Variants in SEC23IP observed in about 807,000 individuals in gnomAD.
The protein encoded by SEC23IP is SEC23-interacting protein.
SEC23IP carries 70 observed loss-of-function variants against 113.4 expected under a neutral mutation model. That is an observed-to-expected ratio of 0.62 (90% CI 0.51 to 0.75). The LOEUF is 0.75. Ranked by LOEUF, SEC23IP falls within the 30% of genes least tolerant of loss-of-function variation. The pLI is 0.00. For missense variants in SEC23IP, 1,160 were observed against 1,204.9 expected (o/e 0.96, Z 0.55); for synonymous variants, 398 against 421.0 (o/e 0.95, Z 0.67).
At chr10:119,894,089 C>T (rs913400137) in intron 1 of SEC23IP, among the ~76,000 whole-genome samples, 2 of 152,146 alleles carry the variant, frequency 1.3e-5, no homozygotes, top group Non-Finnish European at 2.9e-5. Flanking sequence ...TATGTGTAGC[C>T]TCACAGAATT....
At position 119,932,068 on chromosome 10, in the gene SEC23IP, A is replaced by G. The variant is rs1385405258; in HGVS notation, c.2573-65A>G. The G allele has an allele frequency of 7.6e-6, 8 of 1,057,668 alleles. No homozygotes were observed. In the East Asian group the frequency reaches 1.9e-4, roughly 25 times the overall value. The allele number at this position is 1,057,668 out of a possible 1,614,324, so 65.5% of individuals were successfully genotyped here. On this transcript the variant is annotated intron_variant, in intron 15 of 18. Coordinates refer to ENST00000369075, the MANE Select transcript of SEC23IP (RefSeq NM_007190.4). Reference sequence around the variant, plus strand: ...TGTCTGAGAAGAGTGTTAACTTACAATTTTTGTGAGGCAGAAGTTTACCCA... The same window carrying G: ...TGTCTGAGAAGAGTGTTAACTTACAGTTTTTGTGAGGCAGAAGTTTACCCA...
chr10:119,940,178 G>A lies in SEC23IP; in HGVS notation c.*21-408G>A, dbSNP rs542786576. ...GTGTTTGTCAGTAAAGTTGAGCACT[G>A]GATTGTCCATTTTTTTTTTTTTTTT... On this transcript the variant is annotated intron_variant, in intron 18 of 18. Transcript: ENST00000369075. Among the ~76,000 whole-genome samples the A allele has an allele frequency of 1.1e-4, 16 of 148,548 alleles. No homozygotes were observed. In the South Asian group the frequency reaches 3.3e-3, roughly 31 times the overall value.
intron 15 of SEC23IP, among the ~76,000 whole-genome samples, chr10:119,931,311 G>A (rs532390260): frequency 1.4e-4 from 20 of 144,800 alleles, no homozygotes; most frequent in Admixed American, 6.3e-4. Flanking sequence ...ACCACTTCCT[G>A]TTTACAGATT....
chr10:119,920,984 G>T lies in SEC23IP; in HGVS notation c.2121G>T (p.Leu707=). The T allele has an allele frequency of 1.2e-6, 2 of 1,607,602 alleles. No homozygotes were observed. The highest frequency in any genetic ancestry group is 1.7e-6 in the Non-Finnish European group (2 of 1,174,386). ...TTGTAGAACATAAAGCAGCCAAACT[G>T]GTAAAGTTCACCTCTGACTCAAGAA... ...ANFVEHKAAK[L]KKAASEKKAV... Residue 707 remains leucine (L), a splice_region_variant and synonymous_variant, in exon 12 of 19, where the codon CTG becomes CTT. Coordinates refer to ENST00000369075, the MANE Select transcript of SEC23IP (RefSeq NM_007190.4).
chr10:119,932,800 C>T (rs1039242698), intron 16 of SEC23IP, among the ~76,000 whole-genome samples: 13 of 152,290 alleles, frequency 8.5e-5, no homozygotes, highest in African/African-American at 2.9e-4. Context: ...CACAACTTCT[C>T]TCAGCTTGTT....
At chr10:119,914,939 GA>G (rs1224177085) in intron 7 of SEC23IP, 120 bp downstream of exon 7, 1 of 883,324 alleles carries the variant, frequency 1.1e-6, no homozygotes, top group Non-Finnish European at 1.8e-6. Context: ...TCTGTAAGAG[GA>G]AATTTAAATG....
At chr10:119,904,655 T>C (rs1854605589) in intron 4 of SEC23IP, 1 of 164,894 alleles carries the variant, frequency 6.1e-6, no homozygotes, top group African/African-American at 2.4e-5. Context: ...TAAATAGAAT[T>C]GGAAGAAGTG....
At chr10:119,922,241 G>A (rs550435172) in intron 12 of SEC23IP, among the ~76,000 whole-genome samples, 86 of 152,250 alleles carry the variant, frequency 5.6e-4, no homozygotes, top group African/African-American at 2.0e-3. Context: ...TGAAGGAGGG[G>A]TAAGGTCAGG....
intron 12 of SEC23IP, among the ~76,000 whole-genome samples, chr10:119,921,390 G>T (rs1368646373): frequency 6.6e-6 from 1 of 152,116 alleles, no homozygotes; most frequent in East Asian, 1.9e-4. Flanking sequence ...CCCACTGCTG[G>T]TCTCAAACTC....
intron 4 of SEC23IP, among the ~76,000 whole-genome samples, chr10:119,908,298 A>C (rs1350435182): frequency 6.6e-6 from 1 of 152,194 alleles, no homozygotes; most frequent in African/African-American, 2.4e-5. Flanking sequence ...AATGAACTAC[A>C]GTTCTCCCAT....
intron 1 of SEC23IP, among the ~76,000 whole-genome samples, chr10:119,896,355 A>G (rs951961455): frequency 1.2e-4 from 19 of 152,350 alleles, no homozygotes; most frequent in African/African-American, 3.6e-4. Flanking sequence ...GGAGTCTCAG[A>G]CTTGAGGTTT....
chr10:119,925,597 A>G (rs1855394265), intron 12 of SEC23IP, among the ~76,000 whole-genome samples: 1 of 152,114 alleles, frequency 6.6e-6, no homozygotes, highest in South Asian at 2.1e-4. Context: ...GGTGGAGTGC[A>G]GTGGTACGAT....
Position 119,926,045 on chromosome 10 carries a change from G to C in SEC23IP, c.2131G>C (p.Ala711Pro), listed in dbSNP as rs767184449. 6.2e-7 allele frequency: 1 copy of C among 1,609,622 alleles called. No homozygotes were observed. Among genetic ancestry groups the C allele is most frequent in the East Asian group, 2.2e-5 (1 of 44,824 alleles). The part of the protein sequence containing the change: ...EHKAAKLKKA[A>P]SEKKAVAATS... ...TTTTGGTATTTTACAGAAAAAAGCA[G>C]CGTCAGAAAAGAAGGCAGTGGCGGC... Residue 711 changes from alanine to proline, a missense_variant, in exon 13 of 19, where the codon GCG (alanine) becomes CCG (proline). Physicochemically the swap from Ala to Pro is conservative, Grantham distance 27. Transcript: ENST00000369075.
chr10:119,893,786 C>T (rs545905673), intron 1 of SEC23IP, among the ~76,000 whole-genome samples: 18 of 152,172 alleles, frequency 1.2e-4, no homozygotes, highest in Non-Finnish European at 2.4e-4. Context: ...TCCCAAAGTG[C>T]TGGGATTACA....
intron 13 of SEC23IP, among the ~76,000 whole-genome samples, chr10:119,927,812 T>C (rs1855471252): frequency 6.6e-6 from 1 of 152,140 alleles, no homozygotes; most frequent in African/African-American, 2.4e-5. Context: ...TGATGAACAT[T>C]TTAAAGCCAG....
intron 6 of SEC23IP, chr10:119,914,483 G>T: frequency 2.1e-6 from 1 of 465,610 alleles, no homozygotes; most frequent in Non-Finnish European, 3.9e-6. Flanking sequence ...TGCTCATCAT[G>T]TGCTATTAGC....
At position 119,915,788 on chromosome 10, in the gene SEC23IP, A is replaced by G; in HGVS notation, c.1443A>G (p.Thr481=). Residue 481 remains threonine (T), a synonymous_variant, in exon 8 of 19, where the codon ACA becomes ACG. Transcript: ENST00000369075. ...FRVVSLKLLR[T]HFKKSLDDGK... Reference sequence around the variant, plus strand: ...TGGTTTCTCTCAAATTGCTGCGGACACATTTCAAGAAATCTTTAGATGACG... The same window carrying G: ...TGGTTTCTCTCAAATTGCTGCGGACGCATTTCAAGAAATCTTTAGATGACG... 2 of 1,601,806 alleles carry G rather than the reference A, an allele frequency of 1.2e-6. No individual in the cohort carries two copies. The highest frequency in any genetic ancestry group is 1.7e-6 in the Non-Finnish European group (2 of 1,173,608).
At chr10:119,898,015 A>T (rs201432404) in intron 1 of SEC23IP, among the ~76,000 whole-genome samples, 18 of 64,906 alleles carry the variant, frequency 2.8e-4, no homozygotes, top group South Asian at 1.8e-3. Flanking sequence ...AAAAAAAAAT[A>T]AAAAAAAAAA....
chr10:119,900,730 G>T (rs1250298276), intron 2 of SEC23IP, among the ~76,000 whole-genome samples: 1 of 152,074 alleles, frequency 6.6e-6, no homozygotes, highest in Non-Finnish European at 1.5e-5. Flanking sequence ...AAAGTGCTGG[G>T]ATTACAGGTG....
Sources: allele counts gnomAD v4.1 joint callset (sites outside exome capture counted in the v4.1 genomes callset), GRCh38; gene constraint gnomAD v4.1.1; transcripts MANE v1.5; gene names NCBI Gene and HGNC (gene_info 2026-07-23, HGNC 2026-07-21).